TNS4: variants seen among roughly 807,000 people sequenced by gnomAD.
The protein encoded by TNS4 is tensin-4.
A neutral mutation model predicts 70.4 loss-of-function variants in TNS4; 46 were observed. That is an observed-to-expected ratio of 0.65 (90% CI 0.52 to 0.84). The LOEUF is 0.84. Ranked by LOEUF, TNS4 falls within the 40% of genes least tolerant of loss-of-function variation. The pLI is 0.00. For synonymous variants in TNS4, 390 were observed against 366.6 expected (o/e 1.06, Z -0.73); for missense variants, 863 against 907.0 (o/e 0.95, Z 0.62).
intron 2 of TNS4, among the ~76,000 whole-genome samples, chr17:40,491,716 G>T (rs1194625010): frequency 1.3e-5 from 2 of 152,054 alleles, no homozygotes; most frequent in African/African-American, 4.8e-5. Context: ...TGGCTGGGGG[G>T]TGGGGTTGGG....
intron 3 of TNS4, among the ~76,000 whole-genome samples, chr17:40,488,033 C>T (rs775664429): frequency 1.1e-4 from 17 of 152,212 alleles, no homozygotes; most frequent in African/African-American, 3.6e-4. Context: ...TCCTGTGGTT[C>T]GGTCTTCCTG....
In TNS4 at chr17:40,479,735, G is replaced by A. The variant is rs755348211; in HGVS notation, c.1849C>T (p.Pro617Ser). Residue 617 changes from proline (P) to serine (S), a missense_variant, in exon 10 of 13, where the codon CCC becomes TCC. Pro to Ser is a moderately conservative substitution (Grantham distance 74). Transcript: ENST00000254051. ...TTFERDILPT[P>S]TVVHFKVTEQ... is the part of the protein sequence containing the mutation. ...GTGACTTTGAAGTGGACCACGGTGG[G>A]CGTGGGGAGGATGTCCCTCTCAAAG... The A allele has an allele frequency of 1.2e-6, 2 of 1,614,066 alleles. No homozygotes were observed. The highest frequency in any genetic ancestry group is 1.1e-5 in the South Asian group (1 of 91,076).
chr17:40,484,779 G>T, intron 5 of TNS4, 142 bp downstream of exon 5: 2 of 1,332,894 alleles, frequency 1.5e-6, no homozygotes, highest in Non-Finnish European at 2.1e-6. Flanking sequence ...TTCCTCGGGA[G>T]GTCATGAGGT....
Position 40,484,617 on chromosome 17 carries a change from A to G in TNS4, c.1376-8T>C. On this transcript the variant is annotated splice_polypyrimidine_tract_variant and splice_region_variant and intron_variant, in intron 5 of 12. Coordinates refer to ENST00000254051, the MANE Select transcript of TNS4 (RefSeq NM_032865.6). ...TCCTCAGCAGCTCGATTGCTGGAAC[A>G]ATCCTTGAGTCAGAGATGGACACCG... 1.2e-6 allele frequency: 2 copies of G among 1,611,582 alleles called. No homozygotes were observed. Among genetic ancestry groups the G allele is most frequent in the Non-Finnish European group, 1.7e-6 (2 of 1,179,980 alleles).
chr17:40,496,880 C>T (rs904249840), intron 1 of TNS4, among the ~76,000 whole-genome samples: 33 of 152,186 alleles, frequency 2.2e-4, no homozygotes, highest in Admixed American at 1.6e-3. Context: ...TACTACCTAA[C>T]GTTTGCTGAG....
intron 6 of TNS4, among the ~76,000 whole-genome samples, chr17:40,483,534 C>T (rs1410223393): frequency 6.6e-6 from 1 of 152,194 alleles, no homozygotes; most frequent in Non-Finnish European, 1.5e-5. Context: ...TAAATGTCGA[C>T]TCTTTGGTCT....
rs761206124 is a variant in TNS4 at position 40,482,117 on chromosome 17, G to A, written c.1672+12C>T. On this transcript the variant is annotated intron_variant, in intron 8 of 12. Transcript: ENST00000254051. ...CCCACCTTGGCATTGCCTCTTTGGGGCCCAGACCCACCTCTCTGTGGGATG... is the reference window on the plus strand; with the variant it reads ...CCCACCTTGGCATTGCCTCTTTGGGACCCAGACCCACCTCTCTGTGGGATG... 41 of 1,613,626 alleles carry A rather than the reference G, an allele frequency of 2.5e-5. No homozygotes were observed. The highest frequency in any genetic ancestry group is 4.0e-5 in the African/African-American group (3 of 74,904).
chr17:40,483,414 T>C (rs1400999625), intron 6 of TNS4, among the ~76,000 whole-genome samples: 1 of 152,182 alleles, frequency 6.6e-6, no homozygotes, highest in Non-Finnish European at 1.5e-5. Flanking sequence ...TTGCTCAAGC[T>C]GGTCTCAGAT....
Position 40,482,385 on chromosome 17 carries a change from G to T in TNS4, c.1533C>A (p.Phe511Leu). Residue 511 changes from phenylalanine (F) to leucine (L), a missense_variant, in exon 7 of 13, where the codon TTC (phenylalanine) becomes TTA (leucine). By Grantham distance (22) the Phe-to-Leu change is conservative. Transcript: ENST00000254051. Reference sequence around the variant, plus strand: ...CTCCTTTGGCAGACGACTCGATGAGGAAGTGTCGGATGAGGTCATTGCTGT... The same window carrying T: ...CTCCTTTGGCAGACGACTCGATGAGTAAGTGTCGGATGAGGTCATTGCTGT... ...GEDSNDLIRH[F>L]LIESSAKGVH... is the part of the protein sequence containing the mutation. 1 of 1,614,128 alleles carries T rather than the reference G, an allele frequency of 6.2e-7. No individual in the cohort carries two copies. Among genetic ancestry groups the T allele is most frequent in the Non-Finnish European group, 8.5e-7 (1 of 1,180,026 alleles).
At chr17:40,495,807 G>A (rs2036134959) in intron 2 of TNS4, among the ~76,000 whole-genome samples, 180 bp downstream of exon 2, 1 of 152,160 alleles carries the variant, frequency 6.6e-6, no homozygotes, top group Admixed American at 6.5e-5. Context: ...TGGCTAGTGA[G>A]GGAAGCTTGT....
chr17:40,484,641 C>A, intron 5 of TNS4, 32 bp from the exon 6 acceptor site: 1 of 1,608,852 alleles, frequency 6.2e-7, no homozygotes, highest in Non-Finnish European at 8.5e-7. Flanking sequence ...AGATGGACAC[C>A]GCCCCACCTG....
At chr17:40,483,570 G>A (rs999744267) in intron 6 of TNS4, among the ~76,000 whole-genome samples, 2 of 152,200 alleles carry the variant, frequency 1.3e-5, no homozygotes, top group East Asian at 3.8e-4. Flanking sequence ...CTGCCCACCA[G>A]GTCATCTCTG....
rs548912000 is a variant in TNS4 at position 40,499,049 on chromosome 17, A to G, written c.-96+2485T>C. Among the ~76,000 whole-genome samples, 3 of 152,274 alleles carry G rather than the reference A, an allele frequency of 2.0e-5. No individual in the cohort carries two copies. The South Asian group carries it at 6.2e-4, about 32-fold the overall frequency. ...TCTTATGCCCAATTTCTGCCTCCAA[A>G]GAAAGAAAAAGTAAAAACTAAAAGG... On this transcript the variant is annotated intron_variant, in intron 1 of 12. Coordinates refer to ENST00000254051, the MANE Select transcript of TNS4 (RefSeq NM_032865.6).
chr17:40,500,945 T>TTCTG (rs1452619307), intron 1 of TNS4, among the ~76,000 whole-genome samples: 1 of 152,106 alleles, frequency 6.6e-6, no homozygotes, highest in African/African-American at 2.4e-5. Context: ...GAGGCCTGGG[T>TTCTG]TCTGTGTCCA....
Position 40,479,689 on chromosome 17 carries a change from G to A in TNS4, c.1895C>T (p.Thr632Ile), listed in dbSNP as rs1310952224. 6.2e-7 allele frequency: 1 copy of A among 1,613,842 alleles called. No individual in the cohort carries two copies. Among genetic ancestry groups the A allele is most frequent in the South Asian group, 1.1e-5 (1 of 91,066 alleles). The change falls in exon 10 of 13, where the codon ACT becomes ATT. Residue 632 changes from threonine (T) to isoleucine (I), a missense_variant. Physicochemically the swap from Thr to Ile is moderately conservative, Grantham distance 89 (BLOSUM62 -1). Coordinates refer to ENST00000254051, the MANE Select transcript of TNS4 (RefSeq NM_032865.6). ...FKVTEQGITL[T>I]DVQRKVFFRR... ...AGGCCCTTACTTCCTCTGGACATCAGTCAGAGTGATGCCCTGCTCTGTGAC... is the reference window on the plus strand; with the variant it reads ...AGGCCCTTACTTCCTCTGGACATCAATCAGAGTGATGCCCTGCTCTGTGAC...
Position 40,488,884 on chromosome 17 carries a change from G to A in TNS4, c.525C>T (p.Pro175=), listed in dbSNP as rs770952764. The A allele has an allele frequency of 3.7e-6, 6 of 1,613,512 alleles. No individual in the cohort carries two copies. The East Asian group carries it at 8.9e-5, about 24-fold the overall frequency. ...QHCSSPSVTP[P]FGSLRSGGLL... The stretch of plus-strand genomic sequence containing the variant: ...GGCCACCACTGCGAAGGGAGCCGAA[G>A]GGCGGGGTGACAGAGGGGCTGGAGC... The change falls in exon 3 of 13, where the codon CCC becomes CCT. Residue 175 remains proline, a synonymous_variant. Coordinates refer to ENST00000254051, the MANE Select transcript of TNS4 (RefSeq NM_032865.6).
At chr17:40,479,928 C>G in intron 9 of TNS4, 86 bp from the exon 10 acceptor site, 1 of 1,453,794 alleles carries the variant, frequency 6.9e-7, no homozygotes, top group Non-Finnish European at 9.1e-7. Flanking sequence ...GGGTGAGTCT[C>G]CTGTTCAGGA....
At chr17:40,478,006 C>T (rs1597686153) in intron 12 of TNS4, 1 of 598,226 alleles carries the variant, frequency 1.7e-6, no homozygotes, top group East Asian at 2.8e-5. Context: ...AGAGTGGAAG[C>T]TCCCTGAGGG....
chr17:40,484,035 T>C (rs1332317105), intron 6 of TNS4, among the ~76,000 whole-genome samples: 1 of 152,216 alleles, frequency 6.6e-6, no homozygotes, highest in South Asian at 2.1e-4. Context: ...CAAATAAGCA[T>C]GGGAGACCAC....
Sources: gnomAD v4.1 joint callset for allele counts (sites outside exome capture counted in the v4.1 genomes callset) on GRCh38, gnomAD v4.1.1 for gene constraint, MANE v1.5 for transcripts, NCBI Gene and HGNC (gene_info 2026-07-23, HGNC 2026-07-21) for gene names.